GRM5: variants seen among roughly 807,000 people sequenced by gnomAD.
The protein encoded by GRM5 is metabotropic glutamate receptor 5.
In GRM5, 19 loss-of-function variants were observed where a neutral mutation model predicts 83.1. That is an observed-to-expected ratio of 0.23 (90% CI 0.16 to 0.34). The LOEUF (loss-of-function observed/expected upper bound fraction) is 0.34. GRM5 is among the 10% of genes least tolerant of loss of function. GRM5 has a pLI of 1.00. For synonymous variants in GRM5, 675 were observed against 633.6 expected (o/e 1.07, Z -0.98); for missense variants, 1,160 against 1,588.3 (o/e 0.73, Z 4.58).
intron 2 of GRM5, among the ~76,000 whole-genome samples, chr11:88,864,521 T>A: frequency 6.6e-6 from 1 of 152,214 alleles, no homozygotes; most frequent in African/African-American, 2.4e-5. Context: ...ACATTGATTT[T>A]GTATCTTGAG....
At chr11:88,722,778 C>T (rs575569183) in intron 3 of GRM5, among the ~76,000 whole-genome samples, 10 of 151,996 alleles carry the variant, frequency 6.6e-5, no homozygotes, top group Admixed American at 3.3e-4. Flanking sequence ...TCCCATATAC[C>T]GCCTCATCCC....
At chr11:88,881,615 T>C (rs1565275002) in intron 2 of GRM5, among the ~76,000 whole-genome samples, 1 of 152,178 alleles carries the variant, frequency 6.6e-6, no homozygotes, top group Non-Finnish European at 1.5e-5. Context: ...CAAGTATAAA[T>C]GGAGACTGTA....
Position 88,726,346 on chromosome 11 carries a change from A to C in GRM5, c.912-72943T>G, listed in dbSNP as rs188511359. The stretch of plus-strand genomic sequence containing the variant: ...TGAAGACAAGATTAGAGAAAAAAGA[A>C]TGAAAAGGAACGAACAAAGCCTCCA... On this transcript the variant is annotated intron_variant, in intron 3 of 9. Coordinates refer to ENST00000305447, the MANE Select transcript of GRM5 (RefSeq NM_001143831.3). Among the ~76,000 whole-genome samples, 54 of 152,260 alleles carry C rather than the reference A, an allele frequency of 3.5e-4. 2 individuals are homozygous for C. In the East Asian group the frequency reaches 9.7e-3, roughly 27 times the overall value.
chr11:88,899,010 A>T (rs762517811), intron 2 of GRM5, among the ~76,000 whole-genome samples: 1 of 151,878 alleles, frequency 6.6e-6, no homozygotes, highest in African/African-American at 2.4e-5. Context: ...AATCAAAGGG[A>T]TATACGTATT....
In GRM5 at chr11:88,659,969, G is replaced by T. The variant is rs144681649; in HGVS notation, c.912-6566C>A. Among the ~76,000 whole-genome samples the T allele has an allele frequency of 7.9e-5, 12 of 152,110 alleles. No individual in the cohort carries two copies. In the East Asian group the frequency reaches 2.3e-3, roughly 29 times the overall value. On this transcript the variant is annotated intron_variant, in intron 3 of 9. Transcript: ENST00000305447. ...AAAAATACATGTAGCCCTGAAAATT[G>T]CATTGAGTGATCCTTTAGTAACAGT...
At chr11:88,571,102 T>G (rs1419297929) in intron 7 of GRM5, among the ~76,000 whole-genome samples, 1 of 152,196 alleles carries the variant, frequency 6.6e-6, no homozygotes, top group African/African-American at 2.4e-5. Flanking sequence ...TTTTTCCTAC[T>G]GTTCTGCTAA....
At chr11:88,725,453 C>T (rs962748198) in intron 3 of GRM5, among the ~76,000 whole-genome samples, 26 of 152,070 alleles carry the variant, frequency 1.7e-4, no homozygotes, top group South Asian at 4.1e-4. Context: ...TGACTGTGGG[C>T]GCAGCTTCAG....
chr11:88,778,108 G>A (rs562155725), intron 3 of GRM5, among the ~76,000 whole-genome samples: 7 of 151,966 alleles, frequency 4.6e-5, no homozygotes, highest in East Asian at 3.9e-4. Context: ...GATGGGCTCC[G>A]CCCATTTGGA....
chr11:88,778,111 C>A (rs889869711), intron 3 of GRM5, among the ~76,000 whole-genome samples: 1 of 152,078 alleles, frequency 6.6e-6, no homozygotes, highest in Non-Finnish European at 1.5e-5. Context: ...GGGCTCCGCC[C>A]ATTTGGAGCT....
At chr11:89,018,254 G>C (rs376119272) in intron 2 of GRM5, among the ~76,000 whole-genome samples, 101 of 152,154 alleles carry the variant, frequency 6.6e-4, no homozygotes, top group Middle Eastern at 3.4e-3. Flanking sequence ...TAACACCAAG[G>C]AGTATCTGTG....
At chr11:88,596,022 C>CT (rs11390560) in intron 6 of GRM5, among the ~76,000 whole-genome samples, 131,259 of 152,154 alleles carry the variant, frequency 0.86, 57,373 homozygotes, top group Non-Finnish European at 0.94. Flanking sequence ...CTAGACTAAG[C>CT]TTTAATCACT....
chr11:88,661,504 A>G (rs1258486046), intron 3 of GRM5, among the ~76,000 whole-genome samples: 1 of 152,026 alleles, frequency 6.6e-6, no homozygotes, highest in Admixed American at 6.6e-5. Context: ...ATTATTATGG[A>G]AACTGCTGTT....
chr11:88,905,683 G>A (rs1228974138), intron 2 of GRM5, among the ~76,000 whole-genome samples: 1 of 152,012 alleles, frequency 6.6e-6, no homozygotes, highest in East Asian at 1.9e-4. Flanking sequence ...TTATTAGATT[G>A]GTTCACCTGG....
chr11:88,925,800 T>C (rs1260009680), intron 2 of GRM5: 2 of 450,126 alleles, frequency 4.4e-6, no homozygotes, highest in Non-Finnish European at 8.9e-6. Flanking sequence ...TCCTAGCTCC[T>C]CTGGAGGCTG....
intron 3 of GRM5, among the ~76,000 whole-genome samples, chr11:88,751,250 C>T (rs918181706): frequency 1.3e-5 from 2 of 151,900 alleles, no homozygotes; most frequent in Non-Finnish European, 2.9e-5. Flanking sequence ...CAAATAAATA[C>T]AATCAGAAAG....
intron 3 of GRM5, among the ~76,000 whole-genome samples, chr11:88,660,769 T>C (rs1202501128): frequency 2.0e-5 from 3 of 152,214 alleles, no homozygotes; most frequent in Non-Finnish European, 2.9e-5. Flanking sequence ...ATTCCTTAGA[T>C]ATGTTAATAG....
intron 2 of GRM5, among the ~76,000 whole-genome samples, chr11:89,014,782 T>A (rs901733750): frequency 6.6e-6 from 1 of 152,304 alleles, no homozygotes; most frequent in Admixed American, 6.5e-5. Flanking sequence ...AAACATCTCA[T>A]GTAACCCATA....
chr11:88,987,497 T>G (rs1192700036), intron 2 of GRM5, among the ~76,000 whole-genome samples: 1 of 151,838 alleles, frequency 6.6e-6, no homozygotes, highest in African/African-American at 2.4e-5. Flanking sequence ...TCGAACTGGG[T>G]GGAGCCCACC....
chr11:88,608,653 G>T (rs1265652407), intron 4 of GRM5, among the ~76,000 whole-genome samples: 1 of 151,202 alleles, frequency 6.6e-6, no homozygotes. Flanking sequence ...CGAGTAGCTG[G>T]GACTACAGGA....
Sources: allele counts gnomAD v4.1 joint callset (sites outside exome capture counted in the v4.1 genomes callset), GRCh38; gene constraint gnomAD v4.1.1; transcripts MANE v1.5; gene names NCBI Gene and HGNC (gene_info 2026-07-23, HGNC 2026-07-21).